The following DHDDS variants were observed in gnomAD, a reference collection of about 807,000 sequenced individuals.
The protein encoded by DHDDS is dehydrodolichyl diphosphate synthase subunit, also known as dehydrodolichyl diphosphate synthase complex subunit DHDDS.
DHDDS carries 16 observed loss-of-function variants against 46.2 expected under a neutral mutation model. That is an observed-to-expected ratio of 0.35 (90% CI 0.23 to 0.53). The LOEUF (loss-of-function observed/expected upper bound fraction) is 0.53. DHDDS is among the 20% of genes least tolerant of loss of function. The probability of loss-of-function intolerance (pLI) is 0.94; values close to 1 mark genes in which losing one functional copy is unlikely to be tolerated. For synonymous variants in DHDDS, 151 were observed against 163.1 expected (o/e 0.93, Z 0.56); for missense variants, 340 against 423.7 (o/e 0.80, Z 1.73).
At chr1:26,432,655 C>T in intron 1 of DHDDS, 1 of 468,692 alleles carries the variant, frequency 2.1e-6, no homozygotes, top group South Asian at 2.2e-5. Context: ...AGTGCAGATA[C>T]GGAGGAAATG....
intron 6 of DHDDS, among the ~76,000 whole-genome samples, chr1:26,454,058 A>G (rs2075346923): frequency 6.6e-6 from 1 of 151,782 alleles, no homozygotes; most frequent in African/African-American, 2.4e-5. Flanking sequence ...GGTTCACGCC[A>G]TTCTCCTGCC....
At chr1:26,442,475 A>C (rs1310412774) in intron 3 of DHDDS, among the ~76,000 whole-genome samples, 1 of 152,230 alleles carries the variant, frequency 6.6e-6, no homozygotes, top group Admixed American at 6.5e-5. Context: ...CTCTCAGTGC[A>C]GAGTTCTTTC....
At chr1:26,442,646 A>G in intron 3 of DHDDS, 85 bp from the exon 4 acceptor site, 2 of 1,551,578 alleles carry the variant, frequency 1.3e-6, no homozygotes, top group Non-Finnish European at 1.8e-6. Context: ...CCTATCTCCA[A>G]CTCTGAGTCA....
In DHDDS at chr1:26,452,243, A is replaced by G. The variant is rs768341102; in HGVS notation, c.542+4583A>G. ...GACTTTGTAGAGACAGGGTCTTGCC[A>G]TGTTGTCCAGGCTGGTCTCAAACTC... is the stretch of plus-strand genomic sequence containing the variant. On this transcript the variant is annotated intron_variant, in intron 6 of 8. Coordinates refer to ENST00000236342, the MANE Select transcript of DHDDS (RefSeq NM_205861.3). Among the ~76,000 whole-genome samples, 56 of 151,512 alleles carry G rather than the reference A, an allele frequency of 3.7e-4. 1 individual carries two copies. The highest frequency in any genetic ancestry group is 6.8e-4 in the Non-Finnish European group (46 of 67,912).
In DHDDS at chr1:26,446,296, T is replaced by C. The variant is rs758844356; in HGVS notation, c.324-20T>C. 1.2e-6 allele frequency: 2 copies of C among 1,612,374 alleles called. No homozygotes were observed. Among genetic ancestry groups the C allele is most frequent in the South Asian group, 2.2e-5 (2 of 91,022 alleles). On this transcript the variant is annotated intron_variant, in intron 4 of 8. Coordinates refer to ENST00000236342, the MANE Select transcript of DHDDS (RefSeq NM_205861.3). ...CTCAGCAGGGGCCCTATCCCAATGC[T>C]GCCTCTTTTCCCTGATCAGGGAGAA...
chr1:26,440,334 A>C (rs2075205952), intron 3 of DHDDS, among the ~76,000 whole-genome samples: 1 of 152,154 alleles, frequency 6.6e-6, no homozygotes, highest in South Asian at 2.1e-4. Context: ...ACTGAGAGGC[A>C]GTTTTGCCTA....
chr1:26,468,618 T>A (rs1468397257), intron 8 of DHDDS, among the ~76,000 whole-genome samples: 5 of 152,162 alleles, frequency 3.3e-5, no homozygotes, highest in Non-Finnish European at 7.3e-5. Flanking sequence ...AGACCCACAT[T>A]TGTTTGGTTC....
At position 26,463,595 on chromosome 1, in the gene DHDDS, C is replaced by T. The variant is rs546772549; in HGVS notation, c.765+3451C>T. On this transcript the variant is annotated intron_variant, in intron 8 of 8. Transcript: ENST00000236342. The stretch of plus-strand genomic sequence containing the variant: ...GATCTCGGCTCACTGCAACCTCCGC[C>T]TCCCAGGTTCAAGCGATTCTCCTGC... Among the ~76,000 whole-genome samples, 42 of 152,206 alleles carry T rather than the reference C, an allele frequency of 2.8e-4. 1 individual carries two copies. The highest frequency in any genetic ancestry group is 9.9e-4 in the African/African-American group (41 of 41,526).
intron 6 of DHDDS, among the ~76,000 whole-genome samples, chr1:26,450,363 T>C (rs1000126228): frequency 2.0e-5 from 3 of 152,102 alleles, no homozygotes; most frequent in Admixed American, 6.6e-5. Context: ...CCCAGGATGG[T>C]CTTGAACTCC....
intron 2 of DHDDS, among the ~76,000 whole-genome samples, chr1:26,434,721 TGGCTTA>T (rs1186044961): frequency 6.6e-6 from 1 of 151,460 alleles, no homozygotes; most frequent in Non-Finnish European, 1.5e-5. Flanking sequence ...GGTGCAGTCT[TGGCTTA>T]CTGCAACCTC....
At chr1:26,455,293 A>C (rs2075360676) in intron 6 of DHDDS, 1 of 548,756 alleles carries the variant, frequency 1.8e-6, no homozygotes, top group African/African-American at 1.9e-5. Flanking sequence ...CATAACTTGG[A>C]GAATTAAGAC....
chr1:26,455,249 G>A, intron 6 of DHDDS: 2 of 627,638 alleles, frequency 3.2e-6, no homozygotes, highest in Admixed American at 2.6e-5. Flanking sequence ...AAAGATAAGA[G>A]AATGAGAAAT....
intron 7 of DHDDS, among the ~76,000 whole-genome samples, chr1:26,458,177 G>A (rs898177142): frequency 1.3e-5 from 2 of 152,218 alleles, no homozygotes; most frequent in African/African-American, 2.4e-5. Context: ...ATCCCTGAGC[G>A]TAAGCTCTTG....
intron 6 of DHDDS, among the ~76,000 whole-genome samples, chr1:26,457,484 A>G (rs993254230): frequency 1.3e-5 from 2 of 151,716 alleles, no homozygotes; most frequent in African/African-American, 4.8e-5. Context: ...AAATAAATAA[A>G]TAAATAAATA....
chr1:26,465,354 T>C (rs758859110), intron 8 of DHDDS, among the ~76,000 whole-genome samples: 5 of 152,196 alleles, frequency 3.3e-5, no homozygotes, highest in Non-Finnish European at 7.3e-5. Flanking sequence ...GTTATGTATG[T>C]ATGCATATAT....
chr1:26,437,797 A>G (rs1163873135), intron 2 of DHDDS, among the ~76,000 whole-genome samples: 5 of 141,236 alleles, frequency 3.5e-5, no homozygotes, highest in Middle Eastern at 3.7e-3. Flanking sequence ...TTAAAAAAAG[A>G]AAAAAAAAAA....
At chr1:26,465,866 A>AGT (rs2075479941) in intron 8 of DHDDS, among the ~76,000 whole-genome samples, 1 of 152,156 alleles carries the variant, frequency 6.6e-6, no homozygotes, top group Non-Finnish European at 1.5e-5. Flanking sequence ...GCCCTCAGAA[A>AGT]TGCATTCCTC....
chr1:26,468,529 C>T (rs1330777029), intron 8 of DHDDS, among the ~76,000 whole-genome samples: 2 of 152,194 alleles, frequency 1.3e-5, no homozygotes, highest in African/African-American at 4.8e-5. Context: ...GCACAACCCC[C>T]ACTTTACAGA....
chr1:26,457,228 G>T (rs896269603), intron 6 of DHDDS, among the ~76,000 whole-genome samples: 6 of 151,556 alleles, frequency 4.0e-5, no homozygotes, highest in Non-Finnish European at 8.8e-5. Context: ...AGAGGCCGAG[G>T]GGGGGGCGGA....
Sources: gnomAD v4.1 joint callset for allele counts (sites outside exome capture counted in the v4.1 genomes callset) on GRCh38, gnomAD v4.1.1 for gene constraint, MANE v1.5 for transcripts, NCBI Gene and HGNC (gene_info 2026-07-23, HGNC 2026-07-21) for gene names.